The following ZMYND8 variants were observed in gnomAD, a reference collection of about 807,000 sequenced individuals.
The protein encoded by ZMYND8 is zinc finger MYND-type containing 8, also known as MYND-type zinc finger-containing chromatin reader ZMYND8.
In ZMYND8, 37 loss-of-function variants were observed where a neutral mutation model predicts 140.8. The ratio of observed to expected loss-of-function variants is 0.26; its 90% CI spans 0.20 to 0.35. ZMYND8 has a LOEUF of 0.35. ZMYND8 is among the 10% of genes least tolerant of loss of function. The pLI is 1.00. For missense variants in ZMYND8, 1,068 were observed against 1,570.0 expected (o/e 0.68, Z 5.40); for synonymous variants, 592 against 597.1 (o/e 0.99, Z 0.12).
At chr20:47,226,777 AG>A (rs1186068396) in intron 18 of ZMYND8, among the ~76,000 whole-genome samples, 4 of 152,168 alleles carry the variant, frequency 2.6e-5, no homozygotes, top group African/African-American at 9.7e-5. Context: ...CTCCTTCCTC[AG>A]CCTCCCGAGA....
At chr20:47,306,741 T>C (rs2078516240) in intron 3 of ZMYND8, among the ~76,000 whole-genome samples, 1 of 151,956 alleles carries the variant, frequency 6.6e-6, no homozygotes, top group Admixed American at 6.6e-5. Flanking sequence ...TTGCTCTTTA[T>C]GAGGTGAGAA....
Position 47,224,536 on chromosome 20 carries a change from G to A in ZMYND8, c.3037C>T (p.Arg1013Trp), listed in dbSNP as rs541703317. ...HNLELTMAEM[R>W]QSLEQERDRL... ...TCCCGCTCCTGCTCCAGGCTCTGCC[G>A]CATCTCCGCCATGGTCAGCTCTGGT... The change falls in exon 19 of 23, where the codon CGG becomes TGG. Residue 1013 changes from arginine (R) to tryptophan (W), a missense_variant. Physicochemically the swap from Arg to Trp is moderately radical, Grantham distance 101 (BLOSUM62 -3). This residue lies in a region of ZMYND8 where 87 missense variants were observed against 151.1 expected (regional missense o/e 0.58). Coordinates refer to ENST00000471951, the MANE Select transcript of ZMYND8 (RefSeq NM_001281775.3). 6.2e-7 allele frequency: 1 copy of A among 1,613,554 alleles called. No homozygotes were observed. The highest frequency in any genetic ancestry group is 8.5e-7 in the Non-Finnish European group (1 of 1,180,038).
At chr20:47,303,905 T>G (rs961327341) in intron 3 of ZMYND8, among the ~76,000 whole-genome samples, 2 of 152,218 alleles carry the variant, frequency 1.3e-5, no homozygotes, top group East Asian at 3.8e-4. Flanking sequence ...TGTACTCTTT[T>G]CAGAAGATTT....
intron 3 of ZMYND8, among the ~76,000 whole-genome samples, chr20:47,302,324 A>C (rs545142730): frequency 1.3e-5 from 2 of 152,180 alleles, no homozygotes; most frequent in Admixed American, 1.3e-4. Flanking sequence ...AAAATATAAA[A>C]ATTAGCTGGG....
In ZMYND8 at chr20:47,263,999, G is replaced by T. The variant is rs554043984; in HGVS notation, c.1481-1571C>A. Among the ~76,000 whole-genome samples, 153 of 152,262 alleles carry T rather than the reference G, an allele frequency of 1.0e-3. 3 individuals carry two copies. The South Asian group carries it at 0.031, about 31-fold the overall frequency. On this transcript the variant is annotated intron_variant, in intron 11 of 22. Transcript: ENST00000471951. ...TTGCATCCAGACATTTTAGGAGAGTGGGGGGTTGCTACTGGCATCTAGGAG... is the reference window on the plus strand; with the variant it reads ...TTGCATCCAGACATTTTAGGAGAGTTGGGGGTTGCTACTGGCATCTAGGAG...
intron 8 of ZMYND8, among the ~76,000 whole-genome samples, chr20:47,284,082 C>T (rs943927578): frequency 1.3e-5 from 2 of 152,146 alleles, no homozygotes; most frequent in African/African-American, 4.8e-5. Flanking sequence ...ATCACCACGC[C>T]CAGCTAATTT....
intron 2 of ZMYND8, among the ~76,000 whole-genome samples, chr20:47,332,741 T>C (rs1248715953): frequency 2.0e-5 from 3 of 152,076 alleles, no homozygotes; most frequent in African/African-American, 7.2e-5. Context: ...ACAAAAAATT[T>C]AAATGTGTAT....
chr20:47,312,444 A>G (rs891040328), intron 2 of ZMYND8, among the ~76,000 whole-genome samples: 2 of 152,142 alleles, frequency 1.3e-5, no homozygotes, highest in African/African-American at 2.4e-5. Context: ...AAATGCTAAC[A>G]ACAGGTACCT....
chr20:47,328,104 G>A (rs943778052), intron 2 of ZMYND8, among the ~76,000 whole-genome samples: 1 of 152,082 alleles, frequency 6.6e-6, no homozygotes, highest in Admixed American at 6.6e-5. Context: ...GAGCTACCAT[G>A]ACTACCCTAG....
chr20:47,226,724 A>T (rs1000575312), intron 18 of ZMYND8, among the ~76,000 whole-genome samples: 4 of 152,222 alleles, frequency 2.6e-5, no homozygotes, highest in African/African-American at 9.6e-5. Context: ...TAATGAAATT[A>T]GTTAAGTGCA....
At chr20:47,247,354 C>T (rs3859586) in intron 13 of ZMYND8, among the ~76,000 whole-genome samples, 31,733 of 152,170 alleles carry the variant, frequency 0.21, 4,291 homozygotes, top group African/African-American at 0.39. Context: ...CCCAGCCCTC[C>T]CTCTTGTTCC....
At chr20:47,262,645 TGAA>T (rs897902834) in intron 11 of ZMYND8, among the ~76,000 whole-genome samples, 1 of 152,100 alleles carries the variant, frequency 6.6e-6, no homozygotes, top group Admixed American at 6.5e-5. Flanking sequence ...AAGCCACAAA[TGAA>T]GAAGGTCTCC....
Position 47,246,051 on chromosome 20 carries a change from TCGACCCTCCC to T in ZMYND8, c.2231_2240del (p.Arg744GlnfsTer17). ...GTTCTTTGGGTTCCTTCTTATTTTT[TCGACCCTCCC>T]GCCCAGAATGGTCTTCTCCTAAATC... is the stretch of plus-strand genomic sequence containing the variant. On this transcript the variant is annotated frameshift_variant, in exon 14 of 23. Coordinates refer to ENST00000471951, the MANE Select transcript of ZMYND8 (RefSeq NM_001281775.3). LOFTEE classifies it high-confidence loss of function. 6.2e-7 allele frequency: 1 copy of T among 1,607,134 alleles called. No individual in the cohort carries two copies. Among genetic ancestry groups the T allele is most frequent in the Non-Finnish European group, 8.5e-7 (1 of 1,178,066 alleles).
chr20:47,222,363 G>A (rs985449728), intron 19 of ZMYND8, among the ~76,000 whole-genome samples: 2 of 152,198 alleles, frequency 1.3e-5, no homozygotes, highest in African/African-American at 4.8e-5. Flanking sequence ...GTAAAACCCT[G>A]TCTCTACTAA....
chr20:47,269,401 G>A (rs1407386619), intron 11 of ZMYND8, among the ~76,000 whole-genome samples: 2 of 152,162 alleles, frequency 1.3e-5, no homozygotes, highest in African/African-American at 2.4e-5. Context: ...AGAAAAACCT[G>A]CTTCGAATCA....
chr20:47,213,445 C>G lies in ZMYND8; in HGVS notation c.3485-720G>C, dbSNP rs1256999589. ...TATAATCACAGTACACTATGTGACT[C>G]TGCCATGAATGATATGGTCATAATC... On this transcript the variant is annotated intron_variant, in intron 21 of 22. Transcript: ENST00000471951. Among the ~76,000 whole-genome samples, 4 of 152,340 alleles carry G rather than the reference C, an allele frequency of 2.6e-5. No homozygotes were observed. The East Asian group carries it at 5.8e-4, about 22-fold the overall frequency.
intron 14 of ZMYND8, among the ~76,000 whole-genome samples, chr20:47,241,347 C>T (rs1416954885): frequency 7.1e-6 from 1 of 141,240 alleles, no homozygotes; most frequent in Non-Finnish European, 1.6e-5. Context: ...AAAAATTATA[C>T]AAGCAGGACT....
chr20:47,301,185 G>A (rs1024915261), intron 3 of ZMYND8, among the ~76,000 whole-genome samples: 13 of 141,034 alleles, frequency 9.2e-5, no homozygotes, highest in African/African-American at 1.6e-4. Context: ...ATGGTGTTCC[G>A]CTCTTGTTGC....
intron 10 of ZMYND8, among the ~76,000 whole-genome samples, chr20:47,280,699 G>A (rs2076553001): frequency 6.6e-6 from 1 of 152,094 alleles, no homozygotes; most frequent in African/African-American, 2.4e-5. Context: ...AAATCATCAA[G>A]ATGGTTCACA....
Sources: allele counts gnomAD v4.1 joint callset (sites outside exome capture counted in the v4.1 genomes callset), GRCh38; gene constraint gnomAD v4.1.1; regional missense constraint gnomAD v4.1.1; transcripts MANE v1.5; gene names NCBI Gene and HGNC (gene_info 2026-07-23, HGNC 2026-07-21).